MIPOL1: variants seen among roughly 807,000 people sequenced by gnomAD.
MIPOL1 encodes the protein mirror-image polydactyly 1.
In MIPOL1, 57 loss-of-function variants were observed where a neutral mutation model predicts 60.9. The observed-to-expected ratio is 0.94, with a 90% CI of 0.76 to 1.17. MIPOL1 has a LOEUF of 1.17. Among genes scored for constraint, MIPOL1 ranks in the 50% most tolerant of loss-of-function variants. The probability of loss-of-function intolerance (pLI) is 0.00; values close to 1 mark genes in which losing one functional copy is unlikely to be tolerated. For missense variants in MIPOL1, 551 were observed against 511.6 expected, an observed-to-expected ratio of 1.08 and a Z score of -0.74; for synonymous variants, 179 against 168.8, an observed-to-expected ratio of 1.06 and a Z score of -0.47.
At chr14:37,449,149 A>C (rs2153573095) in intron 11 of MIPOL1, among the ~76,000 whole-genome samples, 1 of 152,272 alleles carries the variant, frequency 6.6e-6, no homozygotes, top group South Asian at 2.1e-4. Flanking sequence ...AGGTTGCTAA[A>C]ATTTTTGCCG....
chr14:37,477,165 G>A (rs542346900), intron 11 of MIPOL1, among the ~76,000 whole-genome samples: 1 of 152,090 alleles, frequency 6.6e-6, no homozygotes, highest in Admixed American at 6.5e-5. Flanking sequence ...CTCCCAAAGT[G>A]CTAGGATTAC....
intron 6 of MIPOL1, among the ~76,000 whole-genome samples, chr14:37,281,819 T>C (rs1037336448): frequency 1.4e-4 from 21 of 152,316 alleles, no homozygotes; most frequent in African/African-American, 4.6e-4. Context: ...GATTGTTTTT[T>C]CTATTTCTAT....
intron 7 of MIPOL1, among the ~76,000 whole-genome samples, chr14:37,298,940 A>G (rs1323758385): frequency 1.3e-5 from 2 of 150,646 alleles, no homozygotes; most frequent in African/African-American, 2.4e-5. Flanking sequence ...CAGCCATCCC[A>G]TTACTGGGTA....
chr14:37,337,106 C>A (rs1481829823), intron 9 of MIPOL1, among the ~76,000 whole-genome samples: 1 of 151,306 alleles, frequency 6.6e-6, no homozygotes, highest in Non-Finnish European at 1.5e-5. Flanking sequence ...GTTGTAGTAT[C>A]ACTTGGTTGC....
intron 9 of MIPOL1, among the ~76,000 whole-genome samples, chr14:37,330,581 T>C (rs1033120723): frequency 6.6e-6 from 1 of 152,170 alleles, no homozygotes; most frequent in East Asian, 1.9e-4. Flanking sequence ...TTCCTCTTGT[T>C]AAACCCAATG....
chr14:37,267,317 G>T, intron 4 of MIPOL1, 148 bp downstream of exon 4: 1 of 592,590 alleles, frequency 1.7e-6, no homozygotes, highest in Non-Finnish European at 3.0e-6. Flanking sequence ...GTGAAACCCT[G>T]TCTCTACTGA....
intron 1 of MIPOL1, among the ~76,000 whole-genome samples, chr14:37,235,801 G>T: frequency 6.6e-6 from 1 of 152,024 alleles, no homozygotes; most frequent in South Asian, 2.1e-4. Flanking sequence ...CTATGAATCT[G>T]CCTATTCTAG....
At chr14:37,321,031 G>T (rs1367981438) in intron 9 of MIPOL1, among the ~76,000 whole-genome samples, 1 of 152,008 alleles carries the variant, frequency 6.6e-6, no homozygotes, top group South Asian at 2.1e-4. Flanking sequence ...GATAGTGTAA[G>T]GATCCAGCTG....
intron 11 of MIPOL1, among the ~76,000 whole-genome samples, chr14:37,441,323 C>T (rs561710345): frequency 6.6e-6 from 1 of 152,250 alleles, no homozygotes; most frequent in African/African-American, 2.4e-5. Context: ...GACCAATGAA[C>T]AGAAGAGTTT....
At chr14:37,284,430 G>A (rs1027152094) in intron 6 of MIPOL1, among the ~76,000 whole-genome samples, 12 of 151,952 alleles carry the variant, frequency 7.9e-5, no homozygotes, top group African/African-American at 2.4e-4. Context: ...TGCAACCTCC[G>A]CCTCCTGAGT....
chr14:37,427,728 G>C (rs185964445), intron 11 of MIPOL1, among the ~76,000 whole-genome samples: 2 of 152,178 alleles, frequency 1.3e-5, no homozygotes, highest in Admixed American at 6.6e-5. Flanking sequence ...TAAGTTTCCT[G>C]CAAGCTCAAA....
intron 1 of MIPOL1, among the ~76,000 whole-genome samples, chr14:37,214,135 G>T (rs1485503691): frequency 6.6e-6 from 1 of 151,564 alleles, no homozygotes; most frequent in Non-Finnish European, 1.5e-5. Context: ...TTGCCTGAAG[G>T]TACAAAACTC....
intron 10 of MIPOL1, among the ~76,000 whole-genome samples, chr14:37,406,792 T>G (rs566172171): frequency 9.2e-4 from 140 of 152,320 alleles, no homozygotes; most frequent in African/African-American, 3.3e-3. Flanking sequence ...GATTAGTCTC[T>G]GTTCTAGACA....
chr14:37,308,255 A>G (rs966382628), intron 8 of MIPOL1, 94 bp from the exon 9 acceptor site: 7 of 1,236,074 alleles, frequency 5.7e-6, no homozygotes, highest in African/African-American at 3.1e-5. Flanking sequence ...CACTCAGTCA[A>G]TTTACAATTC....
intron 7 of MIPOL1, among the ~76,000 whole-genome samples, chr14:37,286,133 C>T (rs898029433): frequency 7.9e-5 from 12 of 152,116 alleles, no homozygotes; most frequent in African/African-American, 2.2e-4. Flanking sequence ...CTTAATATCC[C>T]TGTTCCTGTT....
intron 11 of MIPOL1, among the ~76,000 whole-genome samples, chr14:37,444,683 GA>G (rs1418584898): frequency 6.6e-6 from 1 of 151,982 alleles, no homozygotes; most frequent in Non-Finnish European, 1.5e-5. Context: ...TATAGATCCG[GA>G]GGATAAGAGA....
At chr14:37,279,136 AT>A (rs1322780873) in intron 6 of MIPOL1, among the ~76,000 whole-genome samples, 3 of 151,244 alleles carry the variant, frequency 2.0e-5, no homozygotes, top group Non-Finnish European at 4.4e-5. Flanking sequence ...TGTTAATGTA[AT>A]TTAACTGCTG....
chr14:37,336,092 G>T, intron 9 of MIPOL1, among the ~76,000 whole-genome samples: 1 of 135,276 alleles, frequency 7.4e-6, no homozygotes. Context: ...TAAGGTAAGG[G>T]TCCAAATTCA....
intron 11 of MIPOL1, among the ~76,000 whole-genome samples, chr14:37,483,488 C>A (rs1646081546): frequency 1.3e-5 from 2 of 152,042 alleles, no homozygotes; most frequent in South Asian, 4.1e-4. Context: ...ATTGCAGAAT[C>A]CATGTATTCT....
Sources: allele counts gnomAD v4.1 joint callset (sites outside exome capture counted in the v4.1 genomes callset), GRCh38; gene constraint gnomAD v4.1.1; transcripts MANE v1.5; gene names NCBI Gene and HGNC (gene_info 2026-07-23, HGNC 2026-07-21).